The following SDK1 variants were observed in gnomAD, a reference collection of about 807,000 sequenced individuals.
SDK1 encodes sidekick cell adhesion molecule 1, also known as protein sidekick-1.
SDK1 carries 157 observed loss-of-function variants against 245.5 expected under a neutral mutation model. That is an observed-to-expected ratio of 0.64 (90% CI 0.56 to 0.73). SDK1 has a LOEUF of 0.73. SDK1 is among the 30% of genes least tolerant of loss of function. The pLI, the probability that SDK1 is intolerant of heterozygous loss-of-function variation, is 0.00. For missense variants in SDK1, 3,583 were observed against 3,002.3 expected, an observed-to-expected ratio of 1.19 and a Z score of -4.52; for synonymous variants, 1,647 against 1,278.5, an observed-to-expected ratio of 1.29 and a Z score of -6.15.
At chr7:3,647,472 G>A (rs1326717378) in intron 4 of SDK1, among the ~76,000 whole-genome samples, 1 of 152,148 alleles carries the variant, frequency 6.6e-6, no homozygotes, top group Non-Finnish European at 1.5e-5. Context: ...CCATGCTGGA[G>A]TGAAGTTGAA....
chr7:4,171,671 T>C (rs1332448264), intron 32 of SDK1, among the ~76,000 whole-genome samples: 1 of 151,382 alleles, frequency 6.6e-6, no homozygotes, highest in Non-Finnish European at 1.5e-5. Flanking sequence ...CAGTGAAGGG[T>C]AAAGAGAGAA....
At chr7:3,911,827 A>T (rs1459449856) in intron 5 of SDK1, among the ~76,000 whole-genome samples, 7 of 152,132 alleles carry the variant, frequency 4.6e-5, no homozygotes, top group Non-Finnish European at 8.8e-5. Context: ...GGAAATTATA[A>T]ATTTCCCTCA....
intron 5 of SDK1, among the ~76,000 whole-genome samples, chr7:3,906,478 C>T (rs1327720494): frequency 1.3e-5 from 2 of 151,978 alleles, no homozygotes; most frequent in African/African-American, 2.4e-5. Context: ...AACGCTCATG[C>T]TCCCTGAACT....
intron 1 of SDK1, among the ~76,000 whole-genome samples, chr7:3,332,156 T>A (rs891997163): frequency 4.6e-5 from 7 of 152,246 alleles, no homozygotes; most frequent in African/African-American, 1.4e-4. Context: ...CTGAGATGTT[T>A]GGAGATTTAA....
At chr7:3,959,042 G>A (rs1362791692) in intron 8 of SDK1, 28 bp downstream of exon 8, 1 of 1,536,210 alleles carries the variant, frequency 6.5e-7, no homozygotes, top group Non-Finnish European at 9.0e-7. Context: ...GCTGGACAAG[G>A]AGCCATGACT....
chr7:3,636,871 C>G (rs1436034598), intron 2 of SDK1, among the ~76,000 whole-genome samples: 1 of 152,116 alleles, frequency 6.6e-6, no homozygotes. Flanking sequence ...CGATAGTAGC[C>G]ATCCTAACAG....
chr7:4,099,260 A>G (rs1032608543), intron 22 of SDK1, among the ~76,000 whole-genome samples: 3 of 151,458 alleles, frequency 2.0e-5, no homozygotes, highest in Admixed American at 6.6e-5. Flanking sequence ...GGTGATGCCA[A>G]CAGATCGAGA....
At chr7:3,780,240 C>A (rs190742149) in intron 4 of SDK1, among the ~76,000 whole-genome samples, 10 of 152,182 alleles carry the variant, frequency 6.6e-5, no homozygotes, top group African/African-American at 2.4e-4. Context: ...TTTCCCTGGA[C>A]CAACAGTTTC....
chr7:3,430,002 C>T (rs765297405), intron 1 of SDK1, among the ~76,000 whole-genome samples: 8 of 152,244 alleles, frequency 5.3e-5, no homozygotes, highest in South Asian at 4.1e-4. Flanking sequence ...ATTTAAAATA[C>T]ATGCAGTCAC....
At chr7:3,970,280 A>G (rs1205264040) in intron 11 of SDK1, among the ~76,000 whole-genome samples, 5 of 152,206 alleles carry the variant, frequency 3.3e-5, no homozygotes, top group Non-Finnish European at 5.9e-5. Flanking sequence ...GCTTCATTTC[A>G]TATTTGTCTA....
chr7:3,843,007 C>T (rs1444948422), intron 5 of SDK1, among the ~76,000 whole-genome samples: 1 of 152,088 alleles, frequency 6.6e-6, no homozygotes, highest in Admixed American at 6.6e-5. Context: ...TGAACAACTG[C>T]CTAACGCCCG....
Position 3,542,619 on chromosome 7 carries a change from A to G in SDK1, c.299-76461A>G, listed in dbSNP as rs1422109296. On this transcript the variant is annotated intron_variant, in intron 1 of 44. Transcript: ENST00000404826. ...GATCTTTTAATCAATAACATTATTA[A>G]AATAAAAATGTTTTAAAATGTTAAA... Among the ~76,000 whole-genome samples the G allele has an allele frequency of 2.0e-5, 3 of 152,372 alleles. No individual in the cohort carries two copies. In the East Asian group the frequency reaches 5.8e-4, roughly 29 times the overall value.
At chr7:3,904,954 C>T (rs961294133) in intron 5 of SDK1, among the ~76,000 whole-genome samples, 7 of 150,286 alleles carry the variant, frequency 4.7e-5, no homozygotes, top group African/African-American at 1.7e-4. Flanking sequence ...GATCGCGCCA[C>T]TGCACTCCAG....
chr7:3,915,376 A>G (rs1235590254), intron 5 of SDK1, among the ~76,000 whole-genome samples: 1 of 152,140 alleles, frequency 6.6e-6, no homozygotes, highest in Non-Finnish European at 1.5e-5. Context: ...CATAATTCCC[A>G]CGTGTTGTGG....
chr7:3,585,087 A>G (rs1321051690), intron 1 of SDK1, among the ~76,000 whole-genome samples: 3 of 152,088 alleles, frequency 2.0e-5, no homozygotes, highest in Admixed American at 1.3e-4. Context: ...CTGTTTCCCT[A>G]CATCCTGCTG....
chr7:3,503,628 G>A (rs1192881090), intron 1 of SDK1, among the ~76,000 whole-genome samples: 1 of 152,120 alleles, frequency 6.6e-6, no homozygotes, highest in Admixed American at 6.5e-5. Context: ...AGTACGCTAT[G>A]ACCATGCCAC....
intron 1 of SDK1, among the ~76,000 whole-genome samples, chr7:3,460,970 T>A (rs1438217078): frequency 2.0e-5 from 3 of 152,222 alleles, no homozygotes; most frequent in Admixed American, 2.0e-4. Context: ...CATTCAAGAA[T>A]AAATCACAGC....
intron 4 of SDK1, among the ~76,000 whole-genome samples, chr7:3,818,899 A>T (rs746135654): frequency 1.3e-5 from 2 of 152,338 alleles, no homozygotes; most frequent in Middle Eastern, 3.4e-3. Flanking sequence ...GAATGGGGCC[A>T]GCTCTCTTGT....
At chr7:3,841,283 G>A (rs528585074) in intron 5 of SDK1, among the ~76,000 whole-genome samples, 5 of 152,272 alleles carry the variant, frequency 3.3e-5, no homozygotes, top group South Asian at 2.1e-4. Context: ...GGACAACTTC[G>A]CAGCTGTTTG....
Sources: allele counts gnomAD v4.1 joint callset (sites outside exome capture counted in the v4.1 genomes callset), GRCh38; gene constraint gnomAD v4.1.1; transcripts MANE v1.5; gene names NCBI Gene and HGNC (gene_info 2026-07-23, HGNC 2026-07-21).